Variants in RNF125 observed in about 807,000 individuals in gnomAD.
RNF125 encodes ring finger protein 125.
In RNF125, 21 loss-of-function variants were observed where a neutral mutation model predicts 26.0. The ratio of observed to expected loss-of-function variants is 0.81; its 90% confidence interval spans 0.57 to 1.16. RNF125 has a LOEUF of 1.16. Among genes scored for constraint, RNF125 ranks in the 50% most tolerant of loss-of-function variants. The probability of loss-of-function intolerance (pLI) is 0.00; values close to 1 mark genes in which losing one functional copy is unlikely to be tolerated. For synonymous variants in RNF125, 95 were observed against 109.2 expected (o/e 0.87, Z 0.81); for missense variants, 270 against 299.4 (o/e 0.90, Z 0.72).
At chr18:32,054,546 G>A (rs2144499229) in intron 4 of RNF125, among the ~76,000 whole-genome samples, 1 of 152,294 alleles carries the variant, frequency 6.6e-6, no homozygotes, top group East Asian at 1.9e-4. Context: ...CTCCTCTGGG[G>A]AGAAAATATG....
chr18:32,037,154 A>G lies in RNF125; in HGVS notation c.203A>G (p.Asn68Ser), dbSNP rs201378496. The G allele has an allele frequency of 2.4e-5, 39 of 1,606,804 alleles. No homozygotes were observed. The East Asian group carries it at 8.1e-4, about 33-fold the overall frequency. Residue 68 changes from asparagine to serine, a missense_variant, in exon 2 of 6, where the codon AAC becomes AGC. Coordinates refer to ENST00000217740, the MANE Select transcript of RNF125 (RefSeq NM_017831.4). ...TGTATTGCTACCAGTCTAAAGAACA[A>G]CAAGTGGACCTGTCCTTATTGCCGG... ...RSCIATSLKN[N>S]KWTCPYCRAY...
Position 32,019,015 on chromosome 18 carries a change from G to C in RNF125, c.152G>C (p.Arg51Pro). The change falls in exon 1 of 6, where the codon CGC becomes CCC. Residue 51 changes from arginine (R) to proline (P), a missense_variant. Physicochemically the swap from Arg to Pro is moderately radical, Grantham distance 103. Transcript: ENST00000217740. ...GTGTTACACCAGCCTGTCCGGACCC[G>C]CTGTGGCCACGTGTAAGTTCCAGGG... ...LEVLHQPVRTRCGHVFCRSCI... is the reference protein window; with the variant it reads ...LEVLHQPVRTPCGHVFCRSCI... The C allele has an allele frequency of 6.2e-7, 1 of 1,612,618 alleles. No homozygotes were observed. The highest frequency in any genetic ancestry group is 8.5e-7 in the Non-Finnish European group (1 of 1,179,382).
chr18:32,060,167 A>G (rs1262784805), intron 4 of RNF125, among the ~76,000 whole-genome samples: 1 of 152,262 alleles, frequency 6.6e-6, no homozygotes, highest in Non-Finnish European at 1.5e-5. Flanking sequence ...GCTCAAGGCC[A>G]GGAAATAGAA....
At position 32,065,900 on chromosome 18, in the gene RNF125, A is replaced by T. The variant is rs763489928; in HGVS notation, c.505-2A>T. 3.1e-6 allele frequency: 5 copies of T among 1,599,784 alleles called. No individual in the cohort carries two copies. The East Asian group carries it at 1.1e-4, about 36-fold the overall frequency. Reference sequence around the variant, plus strand: ...TGAACCCCTGGTCTTGTTTGTTTCCAGTTCTGTCCACTTTGCCGTTTAATA... The same window carrying T: ...TGAACCCCTGGTCTTGTTTGTTTCCTGTTCTGTCCACTTTGCCGTTTAATA... On this transcript the variant is annotated splice_acceptor_variant, in intron 4 of 5. Coordinates refer to ENST00000217740, the MANE Select transcript of RNF125 (RefSeq NM_017831.4). LOFTEE classifies it high-confidence loss of function.
At position 32,066,588 on chromosome 18, in the gene RNF125, G is replaced by T. The variant is rs142268163; in HGVS notation, c.612+579G>T. Among the ~76,000 whole-genome samples the T allele has an allele frequency of 2.7e-3, 413 of 152,282 alleles. 1 individual carries two copies. Among genetic ancestry groups the T allele is most frequent in the Middle Eastern group, 0.02 (6 of 294 alleles). On this transcript the variant is annotated intron_variant, in intron 5 of 5. Coordinates refer to ENST00000217740, the MANE Select transcript of RNF125 (RefSeq NM_017831.4). ...TCCAGGTTGGATACAAGGAGCTCAGGTTCTAAACTAGTTTTAAGCAATAGC... is the reference window on the plus strand; with the variant it reads ...TCCAGGTTGGATACAAGGAGCTCAGTTTCTAAACTAGTTTTAAGCAATAGC...
At position 32,063,257 on chromosome 18, in the gene RNF125, A is replaced by C. The variant is rs2039452032; in HGVS notation, c.505-2645A>C. Among the ~76,000 whole-genome samples, 10 of 151,800 alleles carry C rather than the reference A, an allele frequency of 6.6e-5. No individual in the cohort carries two copies. The South Asian group carries it at 2.1e-3, about 31-fold the overall frequency. On this transcript the variant is annotated intron_variant, in intron 4 of 5. Coordinates refer to ENST00000217740, the MANE Select transcript of RNF125 (RefSeq NM_017831.4). ...AAAAAAAAAAAAAGAAGAATACATG[A>C]ATAAATATAATTTTAAAAAAGTGAA...
At chr18:32,021,315 C>T (rs945278420) in intron 1 of RNF125, among the ~76,000 whole-genome samples, 1 of 152,190 alleles carries the variant, frequency 6.6e-6, no homozygotes, top group Non-Finnish European at 1.5e-5. Flanking sequence ...CTCCTGACCT[C>T]GTGATCTGCC....
chr18:32,024,641 A>G (rs527767121), intron 1 of RNF125, among the ~76,000 whole-genome samples: 2 of 151,900 alleles, frequency 1.3e-5, no homozygotes, highest in East Asian at 2.0e-4. Flanking sequence ...GGGTCTGCCT[A>G]TGTTGCCCAG....
chr18:32,041,503 TTTC>T (rs2039216353), intron 2 of RNF125, among the ~76,000 whole-genome samples: 4 of 152,088 alleles, frequency 2.6e-5, no homozygotes. Flanking sequence ...TTGTGCTCTT[TTTC>T]TTCACCCATT....
At chr18:32,076,455 A>AT (rs2039571164), downstream of RNF125, among the ~76,000 whole-genome samples, 1 of 152,008 alleles carries the variant, frequency 6.6e-6, no homozygotes, top group Admixed American at 6.6e-5. Context: ...AGCTGGGATC[A>AT]TAGACATGCA....
At chr18:32,076,905 T>G (rs2039574120), downstream of RNF125, among the ~76,000 whole-genome samples, 1 of 152,198 alleles carries the variant, frequency 6.6e-6, no homozygotes, top group Non-Finnish European at 1.5e-5. Flanking sequence ...GGAATTACCT[T>G]GTAATTCCAG....
chr18:32,072,319 C>A lies in RNF125; in HGVS notation c.*3935C>A, dbSNP rs2039540880. On this transcript the variant is annotated 3_prime_UTR_variant, in exon 6 of 6. Coordinates refer to ENST00000217740, the MANE Select transcript of RNF125 (RefSeq NM_017831.4). ...AAGAAATGATCATCAGACTGAAAGT[C>A]CAGAGCCTGAGAAATGAAAACATAT... is the stretch of plus-strand genomic sequence containing the variant. 6.6e-6 allele frequency: 1 copy of A among 152,172 alleles called. No individual in the cohort carries two copies. Among genetic ancestry groups the A allele is most frequent in the Non-Finnish European group, 1.5e-5 (1 of 68,022 alleles). The allele number at this position is 152,172 out of a possible 1,614,324, so 9.4% of individuals were successfully genotyped here.
At chr18:32,046,178 C>T (rs1327069352) in intron 4 of RNF125, among the ~76,000 whole-genome samples, 65 of 126,002 alleles carry the variant, frequency 5.2e-4, no homozygotes, top group African/African-American at 2.0e-3. Flanking sequence ...GATGGAGCCA[C>T]TGTACTCCAG....
At chr18:32,075,903 AT>A, downstream of RNF125, 2 of 1,363,606 alleles carry the variant, frequency 1.5e-6, no homozygotes, top group Non-Finnish European at 2.1e-6. Context: ...GAATCCTAGG[AT>A]TTTCCCTCCT....
In RNF125 at chr18:32,018,950, G is replaced by T. The variant is rs561569908; in HGVS notation, c.87G>T (p.Glu29Asp). Residue 29 changes from glutamate (E) to aspartate (D), a missense_variant, in exon 1 of 6, where the codon GAG (glutamate) becomes GAT (aspartate). Physicochemically the swap from Glu to Asp is conservative, Grantham distance 45. Transcript: ENST00000217740. ...CCCTGGAGCGCAGGAGGGACCCGGAGTTGCCCGTCACGTCCTTCGACTGCG... is the reference window on the plus strand; with the variant it reads ...CCCTGGAGCGCAGGAGGGACCCGGATTTGCCCGTCACGTCCTTCGACTGCG... ...ARALERRRDP[E>D]LPVTSFDCAV... 3 of 1,613,754 alleles carry T rather than the reference G, an allele frequency of 1.9e-6. No homozygotes were observed. The highest frequency in any genetic ancestry group is 3.3e-5 in the Admixed American group (2 of 59,990).
chr18:32,060,038 A>G (rs1381105436), intron 4 of RNF125, among the ~76,000 whole-genome samples: 1 of 152,230 alleles, frequency 6.6e-6, no homozygotes, highest in Non-Finnish European at 1.5e-5. Context: ...CATTTGTAAA[A>G]CAAAGGTAGA....
At chr18:32,078,413 TTAGA>T in the RNF125 span, among the ~76,000 whole-genome samples, 52,452 of 151,754 alleles carry the variant, frequency 0.35, 10,582 homozygotes, top group Admixed American at 0.51. Flanking sequence ...GTCACTGTCA[TTAGA>T]TAGGTGAATA....
chr18:32,051,229 C>T (rs1473940531), intron 4 of RNF125, among the ~76,000 whole-genome samples: 1 of 152,104 alleles, frequency 6.6e-6, no homozygotes, highest in Non-Finnish European at 1.5e-5. Context: ...CTTATGGAGT[C>T]ATGGGACCTA....
intron 3 of RNF125, 49 bp from the exon 4 acceptor site, chr18:32,045,593 T>C (rs369244703): frequency 8.0e-7 from 1 of 1,257,176 alleles, no homozygotes; most frequent in East Asian, 2.4e-5. Flanking sequence ...GTGACTACTA[T>C]CTAGTTGCCA....
Sources: gnomAD v4.1 joint callset for allele counts (sites outside exome capture counted in the v4.1 genomes callset) on GRCh38, gnomAD v4.1.1 for gene constraint, MANE v1.5 for transcripts, NCBI Gene and HGNC (gene_info 2026-07-23, HGNC 2026-07-21) for gene names.